The following AKT2 variants were observed in gnomAD, a reference collection of about 807,000 sequenced individuals.
AKT2 encodes RAC-beta serine/threonine-protein kinase.
A neutral mutation model predicts 58.6 loss-of-function variants in AKT2; 16 were observed. The observed-to-expected ratio is 0.27, with a 90% CI of 0.18 to 0.41. The LOEUF is 0.41. AKT2 is among the 10% of genes least tolerant of loss of function. The pLI is 1.00. For missense variants in AKT2, 438 were observed against 661.0 expected, an observed-to-expected ratio of 0.66 and a Z score of 3.70; for synonymous variants, 253 against 254.0, an observed-to-expected ratio of 1.00 and a Z score of 0.04.
rs1974441192 is a variant in AKT2 at position 40,242,048 on chromosome 19, G to A, written c.463C>T (p.Leu155Phe). 6.2e-7 allele frequency: 1 copy of A among 1,614,256 alleles called. No homozygotes were observed. The highest frequency in any genetic ancestry group is 2.2e-5 in the East Asian group (1 of 44,892). Residue 155 changes from leucine (L) to phenylalanine (F), a missense_variant, in exon 6 of 14, where the codon CTC becomes TTC. This residue lies in a region of AKT2 where 244 missense variants were observed against 347.1 expected (regional missense o/e 0.70). Transcript: ENST00000392038. This position sits in a 1 kb window ranked among gnomAD's most constrained non-coding sequence, Gnocchi z 4.3. ...AAGGTTCCCTTGCCAAGGAGTTTGA[G>A]ATAGTCGAAGTCATTCATGGTCTGC... ...AKVTMNDFDYLKLLGKGTFGK... is the reference protein window; with the variant it reads ...AKVTMNDFDYFKLLGKGTFGK...
intron 7 of AKT2, chr19:40,239,746 G>T (rs1008171921): frequency 5.0e-6 from 3 of 600,224 alleles, no homozygotes; most frequent in Non-Finnish European, 9.2e-6. Flanking sequence ...TCAACCAGCT[G>T]GGCTAAGTGC....
intron 1 of AKT2, among the ~76,000 whole-genome samples, chr19:40,277,879 G>A (rs1035137219): frequency 6.6e-6 from 1 of 152,214 alleles, no homozygotes; most frequent in East Asian, 1.9e-4. Context: ...GGAGACAGAT[G>A]GAACACACAA....
chr19:40,246,904 G>A (rs1274666550), intron 4 of AKT2, among the ~76,000 whole-genome samples: 1 of 152,238 alleles, frequency 6.6e-6, no homozygotes, highest in Non-Finnish European at 1.5e-5. Flanking sequence ...TAAGAGGTTG[G>A]CGGGCTGTCG....
chr19:40,236,585 T>C (rs1225383620), intron 9 of AKT2, 200 bp from the exon 10 acceptor site: 6 of 679,264 alleles, frequency 8.8e-6, no homozygotes, highest in East Asian at 5.7e-5. Context: ...CCCACCCCCA[T>C]GGTACCTGGG....
chr19:40,284,195 G>A (rs1374053125), intron 1 of AKT2, among the ~76,000 whole-genome samples: 1 of 152,084 alleles, frequency 6.6e-6, no homozygotes, highest in African/African-American at 2.4e-5. Context: ...GATGCCCCCA[G>A]AGAGCTTCCC....
chr19:40,268,913 G>T (rs1215592035), intron 1 of AKT2: 1 of 152,300 alleles, frequency 6.6e-6, no homozygotes, highest in Non-Finnish European at 1.5e-5. Flanking sequence ...GATCACCTGA[G>T]GTCGGGAGTT....
intron 2 of AKT2, among the ~76,000 whole-genome samples, chr19:40,257,665 G>A (rs1975638544): frequency 6.6e-6 from 1 of 151,764 alleles, no homozygotes; most frequent in South Asian, 2.1e-4. Flanking sequence ...AGGAGATGGT[G>A]AAACACATCC....
At chr19:40,265,810 T>A (rs1976308622) in intron 1 of AKT2, among the ~76,000 whole-genome samples, 1 of 151,890 alleles carries the variant, frequency 6.6e-6, no homozygotes, top group Non-Finnish European at 1.5e-5. Context: ...ACACACACAC[T>A]CTTTTCTCTC....
chr19:40,284,257 G>A (rs2077474552), intron 1 of AKT2, among the ~76,000 whole-genome samples: 1 of 152,154 alleles, frequency 6.6e-6, no homozygotes, highest in Admixed American at 6.5e-5. Context: ...GTTTTAACAA[G>A]CGGGTGCAGG....
chr19:40,259,973 T>C (rs190196001), intron 2 of AKT2, among the ~76,000 whole-genome samples: 2 of 151,850 alleles, frequency 1.3e-5, no homozygotes, highest in Non-Finnish European at 1.5e-5. Flanking sequence ...GCCAACATGA[T>C]CAAACCCCAT....
At chr19:40,262,729 T>C (rs1200132107) in intron 2 of AKT2, among the ~76,000 whole-genome samples, 1 of 152,206 alleles carries the variant, frequency 6.6e-6, no homozygotes, top group African/African-American at 2.4e-5. Context: ...AGCTTTCCAG[T>C]CTGTAAGGTG....
Position 40,233,806 on chromosome 19 carries a change from G to C in AKT2, c.*66C>G. 6.5e-7 allele frequency: 1 copy of C among 1,534,934 alleles called. No homozygotes were observed. The highest frequency in any genetic ancestry group is 8.9e-7 in the Non-Finnish European group (1 of 1,121,068). ...ACAAACCAAAAAGGCTAAGTAAAAAGTTAGGGGGAAAAAACCACCCAGCGG... is the reference window on the plus strand; with the variant it reads ...ACAAACCAAAAAGGCTAAGTAAAAACTTAGGGGGAAAAAACCACCCAGCGG... On this transcript the variant is annotated 3_prime_UTR_variant, in exon 14 of 14. Transcript: ENST00000392038. This position sits in a 1 kb window ranked among gnomAD's most constrained non-coding sequence, Gnocchi z 4.3.
chr19:40,235,973 C>A lies in AKT2; in HGVS notation c.1092G>T (p.Met364Ile), dbSNP rs2145164462. 1 of 1,614,082 alleles carries A rather than the reference C, an allele frequency of 6.2e-7. No homozygotes were observed. The highest frequency in any genetic ancestry group is 1.1e-5 in the South Asian group (1 of 91,090). ...DHERLFELIL[M>I]EEIRFPRTLS... is the part of the protein sequence containing the mutation. ...GCGTGCGCGGGAAGCGGATCTCTTCCATGAGGATGAGCTCGAAGAGGCGCT... is the reference window on the plus strand; with the variant it reads ...GCGTGCGCGGGAAGCGGATCTCTTCAATGAGGATGAGCTCGAAGAGGCGCT... Residue 364 changes from methionine (M) to isoleucine (I), a missense_variant, in exon 11 of 14, where the codon ATG (methionine) becomes ATT (isoleucine). Met to Ile is a conservative substitution (Grantham distance 10, BLOSUM62 1). Around this residue, in one of 3 missense-constraint regions of AKT2, gnomAD observed 148 missense variants for 199.5 expected, o/e 0.74. Transcript: ENST00000392038. This position sits in a 1 kb window ranked among gnomAD's most constrained non-coding sequence, Gnocchi z 6.3.
chr19:40,244,056 AAATAATAATAATAATAAT>A (rs58141351), intron 4 of AKT2: 5 of 141,696 alleles, frequency 3.5e-5, no homozygotes, highest in South Asian at 4.5e-4. Context: ...AATAATAATA[AAATAATAATAATAATAAT>A]AATAATAATA....
intron 4 of AKT2, among the ~76,000 whole-genome samples, chr19:40,244,741 C>T (rs571085154): frequency 1.9e-4 from 29 of 152,378 alleles, no homozygotes; most frequent in Admixed American, 9.8e-4. Context: ...CCCTTCACAG[C>T]ATCTTCCAGG....
In AKT2 at chr19:40,283,776, C is replaced by CCTGGGCCAGG. The variant is rs879715612; in HGVS notation, c.-85+1395_-85+1404dup. Among the ~76,000 whole-genome samples, 10 of 152,310 alleles carry CCTGGGCCAGG rather than the reference C, an allele frequency of 6.6e-5. No homozygotes were observed. The East Asian group carries it at 1.9e-3, about 29-fold the overall frequency. On this transcript the variant is annotated intron_variant, in intron 1 of 13. Transcript: ENST00000392038. ...CAAGCCCTTCAGAGCAGCCTTCCTC[C>CCTGGGCCAGG]CTGGGCCAGGCTGGGCCAGGGGCAC...
In AKT2 at chr19:40,239,015, G is replaced by A. The variant is rs759011809; in HGVS notation, c.640-42C>T. Reference sequence around the variant, plus strand: ...GCAGGGTGGGAGGTGGGAGGGAGGAGGGCTCTGCTGAGCCATGCCAGGGCA... The same window carrying A: ...GCAGGGTGGGAGGTGGGAGGGAGGAAGGCTCTGCTGAGCCATGCCAGGGCA... On this transcript the variant is annotated intron_variant, in intron 7 of 13. Coordinates refer to ENST00000392038, the MANE Select transcript of AKT2 (RefSeq NM_001626.6). 18 of 1,597,598 alleles carry A rather than the reference G, an allele frequency of 1.1e-5. No individual in the cohort carries two copies. In the Admixed American group the frequency reaches 2.8e-4, roughly 25 times the overall value.
chr19:40,257,477 A>G (rs1339314354), intron 2 of AKT2, among the ~76,000 whole-genome samples: 2 of 152,172 alleles, frequency 1.3e-5, no homozygotes, highest in Non-Finnish European at 2.9e-5. Flanking sequence ...CTCCAATGCC[A>G]AAACACTTCT....
chr19:40,252,538 G>A (rs979807650), intron 4 of AKT2, among the ~76,000 whole-genome samples: 7 of 152,128 alleles, frequency 4.6e-5, no homozygotes, highest in Non-Finnish European at 1.0e-4. Context: ...TCATTCCCCT[G>A]CATCGTGTAA....
Sources: allele counts gnomAD v4.1 joint callset (sites outside exome capture counted in the v4.1 genomes callset), GRCh38; gene constraint gnomAD v4.1.1; regional missense constraint gnomAD v4.1.1; non-coding constraint Gnocchi (gnomAD v3.1); transcripts MANE v1.5; gene names NCBI Gene and HGNC (gene_info 2026-07-23, HGNC 2026-07-21).